The following GLDN variants were observed in gnomAD, a reference collection of about 807,000 sequenced individuals.
The protein encoded by GLDN is gliomedin.
A neutral mutation model predicts 56.5 loss-of-function variants in GLDN; 47 were observed. That is an observed-to-expected ratio of 0.83 (90% confidence interval 0.66 to 1.06). GLDN has a LOEUF of 1.06. GLDN is among the 50% of genes least tolerant of loss of function. The pLI, the probability that GLDN is intolerant of heterozygous loss-of-function variation, is 0.00. For missense variants in GLDN, 782 were observed against 714.3 expected (o/e 1.09, Z -1.08); for synonymous variants, 332 against 278.8 (o/e 1.19, Z -1.90).
At position 51,399,676 on chromosome 15, in the gene GLDN, C is replaced by G. The variant is rs74013206; in HGVS notation, c.818-516C>G. Among the ~76,000 whole-genome samples, 790 of 152,280 alleles carry G rather than the reference C, an allele frequency of 5.2e-3. 9 individuals are homozygous for G. The highest frequency in any genetic ancestry group is 0.018 in the African/African-American group (765 of 41,554). Reference sequence around the variant, plus strand: ...CTGGATGGAATCTAGATTACTTCTTCCTCTAAATCGGTGTTTCCCTGCCTG... The same window carrying G: ...CTGGATGGAATCTAGATTACTTCTTGCTCTAAATCGGTGTTTCCCTGCCTG... On this transcript the variant is annotated intron_variant, in intron 6 of 9. Transcript: ENST00000335449.
downstream of GLDN, among the ~76,000 whole-genome samples, chr15:51,411,764 A>G (rs537588413): frequency 6.6e-6 from 1 of 152,370 alleles, no homozygotes; most frequent in African/African-American, 2.4e-5. Flanking sequence ...CTTTTAAAAA[A>G]TATTTACACA....
At chr15:51,399,720 T>C (rs889055219) in intron 6 of GLDN, among the ~76,000 whole-genome samples, 6 of 152,238 alleles carry the variant, frequency 3.9e-5, no homozygotes, top group African/African-American at 1.2e-4. Context: ...CCCAGGAAGA[T>C]GCTGCATAAA....
intron 1 of GLDN, among the ~76,000 whole-genome samples, chr15:51,348,482 A>G (rs772519900): frequency 1.3e-4 from 20 of 152,044 alleles, no homozygotes; most frequent in Non-Finnish European, 1.9e-4. Flanking sequence ...AGTGTGTGCC[A>G]CCACACCTGG....
rs759948387 is a variant in GLDN at position 51,400,371 on chromosome 15, A to G, written c.902-2A>G. 16 of 1,614,206 alleles carry G rather than the reference A, an allele frequency of 9.9e-6. No individual in the cohort carries two copies. Among genetic ancestry groups the G allele is most frequent in the Non-Finnish European group, 1.4e-5 (16 of 1,180,030 alleles). ...TGACTTTCTTTTCTCTTCTTTTGGCAGAATCCATGATCACTTCCATTGGAA... is the reference window on the plus strand; with the variant it reads ...TGACTTTCTTTTCTCTTCTTTTGGCGGAATCCATGATCACTTCCATTGGAA... On this transcript the variant is annotated splice_acceptor_variant, in intron 7 of 9. Transcript: ENST00000335449. LOFTEE classifies it high-confidence loss of function.
At chr15:51,411,802 A>G (rs2038468121), downstream of GLDN, among the ~76,000 whole-genome samples, 1 of 152,244 alleles carries the variant, frequency 6.6e-6, no homozygotes, top group Non-Finnish European at 1.5e-5. Context: ...TTTGCAGACC[A>G]TACAAAAACA....
At chr15:51,411,598 T>C (rs2141148486), downstream of GLDN, among the ~76,000 whole-genome samples, 1 of 152,356 alleles carries the variant, frequency 6.6e-6, no homozygotes, top group East Asian at 1.9e-4. Context: ...ACCTCTGCCA[T>C]TGTAGTTGAA....
At chr15:51,349,479 G>T (rs1052030816) in intron 1 of GLDN, among the ~76,000 whole-genome samples, 9 of 152,196 alleles carry the variant, frequency 5.9e-5, no homozygotes, top group African/African-American at 1.9e-4. Flanking sequence ...AAAAACAAAA[G>T]AATAATAATA....
chr15:51,377,474 A>G lies in GLDN; in HGVS notation c.389A>G (p.Asn130Ser), dbSNP rs1262561095. 19 of 1,614,102 alleles carry G rather than the reference A, an allele frequency of 1.2e-5. No individual in the cohort carries two copies. The highest frequency in any genetic ancestry group is 1.6e-5 in the Non-Finnish European group (19 of 1,179,986). ...ATCCGAGTGATGGTGGACCTGTGCA[A>G]CAGCACCAAGGGCATCTGCCTCACA... ...VPIRVMVDLC[N>S]STKGICLTGP... The change falls in exon 2 of 10, where the codon AAC becomes AGC. Residue 130 changes from asparagine to serine, a missense_variant. Coordinates refer to ENST00000335449, the MANE Select transcript of GLDN (RefSeq NM_181789.4).
intron 5 of GLDN, among the ~76,000 whole-genome samples, chr15:51,396,806 C>T (rs899719688): frequency 6.6e-6 from 1 of 152,104 alleles, no homozygotes; most frequent in African/African-American, 2.4e-5. Flanking sequence ...CTTCGACCCA[C>T]GTATCAAGGA....
chr15:51,400,604 G>C, intron 8 of GLDN, 106 bp downstream of exon 8: 2 of 1,205,486 alleles, frequency 1.7e-6, no homozygotes, highest in Admixed American at 4.5e-5. Flanking sequence ...ATCCCCGGTA[G>C]CTGGTGTAAT....
Position 51,377,160 on chromosome 15 carries a change from C to T in GLDN, c.364-289C>T, listed in dbSNP as rs796307777. On this transcript the variant is annotated intron_variant, in intron 1 of 9. Transcript: ENST00000335449. ...CTGCAGTGTGGTAGGTTTGTTTATA[C>T]CAGCATCACCACAAACACGAAGTCA... is the stretch of plus-strand genomic sequence containing the variant. 63 of 450,510 alleles carry T rather than the reference C, an allele frequency of 1.4e-4. 1 individual carries two copies. The highest frequency in any genetic ancestry group is 1.1e-3 in the African/African-American group (57 of 51,026). The allele number at this position is 450,510 out of a possible 1,614,324, so 27.9% of individuals were successfully genotyped here. A position where few individuals can be genotyped will look rare whatever the true frequency, so the allele number is the denominator to read the frequency against.
chr15:51,384,931 C>T (rs1031926512), intron 4 of GLDN: 1 of 152,202 alleles, frequency 6.6e-6, no homozygotes, highest in Admixed American at 6.5e-5. Flanking sequence ...CTTTGGTCAC[C>T]TCCACTCTTA....
chr15:51,343,453 G>C (rs149654163), intron 1 of GLDN, among the ~76,000 whole-genome samples: 1 of 152,332 alleles, frequency 6.6e-6, no homozygotes, highest in East Asian at 1.9e-4. Context: ...ATACATCTGA[G>C]CATCATTGTT....
At chr15:51,411,590 C>T (rs986720737), downstream of GLDN, among the ~76,000 whole-genome samples, 1 of 152,214 alleles carries the variant, frequency 6.6e-6, no homozygotes, top group African/African-American at 2.4e-5. Flanking sequence ...AACTACTCAC[C>T]TCTGCCATTG....
At chr15:51,351,520 T>TG (rs1034142485) in intron 1 of GLDN, among the ~76,000 whole-genome samples, 12 of 152,198 alleles carry the variant, frequency 7.9e-5, no homozygotes, top group African/African-American at 2.9e-4. Context: ...AGAGATCCTT[T>TG]GGCAAAGGTC....
chr15:51,362,749 C>T (rs2037325884), intron 1 of GLDN, among the ~76,000 whole-genome samples: 2 of 151,928 alleles, frequency 1.3e-5, no homozygotes, highest in East Asian at 1.9e-4. Flanking sequence ...CAAGTTAGGT[C>T]GTGGAAGTAG....
chr15:51,398,196 C>A (rs759219005), intron 6 of GLDN, among the ~76,000 whole-genome samples: 4 of 152,244 alleles, frequency 2.6e-5, no homozygotes, highest in Non-Finnish European at 5.9e-5. Context: ...CCAGCTCTGC[C>A]TAACTGTAAA....
intron 2 of GLDN, among the ~76,000 whole-genome samples, chr15:51,381,309 T>A (rs1051481961): frequency 6.6e-6 from 1 of 152,086 alleles, no homozygotes; most frequent in Non-Finnish European, 1.5e-5. Context: ...TTTCCACCAG[T>A]CTCTATATCC....
Position 51,341,875 on chromosome 15 carries a change from C to T in GLDN, c.191C>T (p.Ala64Val), listed in dbSNP as rs1243774940. The change falls in exon 1 of 10, where the codon GCC (alanine) becomes GTC (valine). Residue 64 changes from alanine (A) to valine (V), a missense_variant. By Grantham distance (64) the Ala-to-Val change is moderately conservative. Coordinates refer to ENST00000335449, the MANE Select transcript of GLDN (RefSeq NM_181789.4). Reference sequence around the variant, plus strand: ...GGCCGGGAGCAGCGCGAGGACAGTGCCCTGCGCTCCTTCCTGGCCGAGTTG... The same window carrying T: ...GGCCGGGAGCAGCGCGAGGACAGTGTCCTGCGCTCCTTCCTGGCCGAGTTG... Reference protein sequence around the residue: ...QRGREQREDSALRSFLAELSR... With the variant: ...QRGREQREDSVLRSFLAELSR... 1.3e-6 allele frequency: 2 copies of T among 1,566,370 alleles called. No individual in the cohort carries two copies. Among genetic ancestry groups the T allele is most frequent in the East Asian group, 2.3e-5 (1 of 42,634 alleles).
Sources: allele counts gnomAD v4.1 joint callset (sites outside exome capture counted in the v4.1 genomes callset), GRCh38; gene constraint gnomAD v4.1.1; transcripts MANE v1.5; gene names NCBI Gene and HGNC (gene_info 2026-07-23, HGNC 2026-07-21).